C4orf17: variants seen among roughly 807,000 people sequenced by gnomAD.
The protein encoded by C4orf17 is uncharacterized protein C4orf17.
C4orf17 carries 25 observed loss-of-function variants against 32.0 expected under a neutral mutation model. That is an observed-to-expected ratio of 0.78 (90% CI 0.57 to 1.09). C4orf17 has a LOEUF of 1.09. Among genes scored for constraint, C4orf17 ranks in the 50% least tolerant of loss-of-function variants. The pLI is 0.00. For missense variants in C4orf17, 420 were observed against 420.0 expected, an observed-to-expected ratio of 1.00 and a Z score of 0.00; for synonymous variants, 149 against 145.8, an observed-to-expected ratio of 1.02 and a Z score of -0.16.
chr4:99,512,057 C>T (rs1033894867), intron 1 of C4orf17, among the ~76,000 whole-genome samples: 27 of 152,056 alleles, frequency 1.8e-4, no homozygotes, highest in Non-Finnish European at 3.2e-4. Context: ...AGGTAGTCAA[C>T]GATCTAAAAG....
chr4:99,521,222 A>C (rs1442688521), intron 2 of C4orf17, among the ~76,000 whole-genome samples: 1 of 152,080 alleles, frequency 6.6e-6, no homozygotes, highest in African/African-American at 2.4e-5. Context: ...AGATACAAAA[A>C]ATTAGACGGA....
intron 8 of C4orf17, 52 bp from the exon 9 acceptor site, chr4:99,541,858 T>A: frequency 8.0e-7 from 1 of 1,252,268 alleles, no homozygotes; most frequent in Non-Finnish European, 1.1e-6. Context: ...ATGGAGAAGG[T>A]GTATTCAGTG....
intron 4 of C4orf17, 85 bp from the exon 5 acceptor site, chr4:99,529,730 A>G: frequency 8.7e-7 from 1 of 1,150,112 alleles, no homozygotes; most frequent in South Asian, 1.9e-5. Context: ...TAGGCACAAT[A>G]TTTCTCATTC....
At chr4:99,535,844 A>C in intron 5 of C4orf17, 1 of 398,934 alleles carries the variant, frequency 2.5e-6, no homozygotes, top group South Asian at 2.0e-5. Context: ...GCATTTTTGC[A>C]TTGATTCTTT....
intron 5 of C4orf17, among the ~76,000 whole-genome samples, chr4:99,535,593 T>C (rs1723548388): frequency 6.6e-6 from 1 of 152,246 alleles, no homozygotes; most frequent in Non-Finnish European, 1.5e-5. Flanking sequence ...AGGTCAGTTA[T>C]GTTCCTCTCT....
intron 1 of C4orf17, among the ~76,000 whole-genome samples, chr4:99,512,310 G>A (rs1723105211): frequency 6.6e-6 from 1 of 152,082 alleles, no homozygotes; most frequent in Non-Finnish European, 1.5e-5. Flanking sequence ...GACTTTCTAT[G>A]TTCTTAATCC....
chr4:99,524,730 C>T (rs1334085428), intron 4 of C4orf17, 145 bp downstream of exon 4: 1 of 543,044 alleles, frequency 1.8e-6, no homozygotes, highest in Non-Finnish European at 3.3e-6. Flanking sequence ...ATATAAGATA[C>T]ACATATTCAA....
chr4:99,537,409 C>T (rs1382900013), intron 5 of C4orf17, among the ~76,000 whole-genome samples: 1 of 152,156 alleles, frequency 6.6e-6, no homozygotes, highest in Non-Finnish European at 1.5e-5. Flanking sequence ...CTAATGCCCT[C>T]TTGTGAGGAG....
At chr4:99,515,696 T>C (rs1723169295) in intron 2 of C4orf17, among the ~76,000 whole-genome samples, 1 of 151,620 alleles carries the variant, frequency 6.6e-6, no homozygotes. Flanking sequence ...ACTCCTGAAC[T>C]TAAAATAAAA....
At chr4:99,535,140 C>T (rs1723541113) in intron 5 of C4orf17, among the ~76,000 whole-genome samples, 1 of 152,134 alleles carries the variant, frequency 6.6e-6, no homozygotes, top group Non-Finnish European at 1.5e-5. Flanking sequence ...TGTAGGTGAC[C>T]TGGCCTTTCT....
At chr4:99,521,837 G>A (rs1278009886) in intron 2 of C4orf17, among the ~76,000 whole-genome samples, 1 of 152,176 alleles carries the variant, frequency 6.6e-6, no homozygotes, top group Admixed American at 6.5e-5. Flanking sequence ...ATTGAAAAGA[G>A]AACCTGTCTA....
chr4:99,520,938 TTAA>T (rs1215314681), intron 2 of C4orf17, among the ~76,000 whole-genome samples: 9 of 152,244 alleles, frequency 5.9e-5, no homozygotes, highest in African/African-American at 2.2e-4. Context: ...GTTTACCAAC[TTAA>T]TAATATGTTC....
intron 4 of C4orf17, among the ~76,000 whole-genome samples, chr4:99,528,467 A>G (rs192280135): frequency 6.6e-6 from 1 of 152,252 alleles, no homozygotes; most frequent in Non-Finnish European, 1.5e-5. Flanking sequence ...CCACTCTCAC[A>G]ATTTTTGTAT....
intron 2 of C4orf17, among the ~76,000 whole-genome samples, chr4:99,516,901 A>C (rs1053376403): frequency 2.0e-5 from 3 of 152,206 alleles, no homozygotes; most frequent in Non-Finnish European, 2.9e-5. Flanking sequence ...ACCATTCTGC[A>C]TAGGCTGGGC....
At chr4:99,516,702 G>A (rs1240527230) in intron 2 of C4orf17, among the ~76,000 whole-genome samples, 2 of 152,184 alleles carry the variant, frequency 1.3e-5, no homozygotes, top group African/African-American at 2.4e-5. Context: ...GGGGCATGTG[G>A]GGAGGAGGGA....
chr4:99,533,332 G>A (rs1212063982), intron 5 of C4orf17, among the ~76,000 whole-genome samples: 2 of 152,162 alleles, frequency 1.3e-5, no homozygotes, highest in Non-Finnish European at 2.9e-5. Flanking sequence ...TAGGCTCAAC[G>A]CTTAACCTCC....
intron 5 of C4orf17, among the ~76,000 whole-genome samples, chr4:99,532,617 G>C (rs998007404): frequency 4.6e-5 from 7 of 152,244 alleles, no homozygotes; most frequent in African/African-American, 1.2e-4. Flanking sequence ...TTGCGTGATG[G>C]AGTCAACTGA....
At chr4:99,517,385 G>C (rs1369946132) in intron 2 of C4orf17, among the ~76,000 whole-genome samples, 2 of 152,122 alleles carry the variant, frequency 1.3e-5, no homozygotes, top group Non-Finnish European at 2.9e-5. Context: ...CAGAGTGGTA[G>C]ATAAGGGGAG....
chr4:99,518,797 C>A (rs1444436469), intron 2 of C4orf17, among the ~76,000 whole-genome samples: 1 of 151,800 alleles, frequency 6.6e-6, no homozygotes, highest in African/African-American at 2.4e-5. Flanking sequence ...TTTCCCACCT[C>A]CGTCTGGATT....
Sources: allele counts gnomAD v4.1 joint callset (sites outside exome capture counted in the v4.1 genomes callset), GRCh38; gene constraint gnomAD v4.1.1; transcripts MANE v1.5; gene names NCBI Gene and HGNC (gene_info 2026-07-23, HGNC 2026-07-21).